Variants in NPAS2 observed in about 807,000 individuals in gnomAD.
NPAS2 encodes neuronal PAS domain protein 2, also known as neuronal PAS domain-containing protein 2.
Under a neutral mutation model 107.5 loss-of-function variants are expected in NPAS2, and 23 were observed. The ratio of observed to expected loss-of-function variants is 0.21; its 90% CI spans 0.15 to 0.30. The LOEUF (loss-of-function observed/expected upper bound fraction) is 0.30. NPAS2 is among the 10% of genes least tolerant of loss of function. The pLI, the probability that NPAS2 is intolerant of heterozygous loss-of-function variation, is 1.00. For synonymous variants in NPAS2, 403 were observed against 417.5 expected (o/e 0.97, Z 0.42); for missense variants, 756 against 1,043.3 (o/e 0.72, Z 3.79).
intron 18 of NPAS2, 80 bp downstream of exon 18, chr2:100,990,526 C>G: frequency 6.9e-7 from 1 of 1,451,346 alleles, no homozygotes; most frequent in African/African-American, 1.4e-5. Flanking sequence ...CTGCTTTAGA[C>G]GGAGGCAGAG....
At chr2:100,858,057 G>C (rs1050865669) in intron 1 of NPAS2, among the ~76,000 whole-genome samples, 1 of 152,228 alleles carries the variant, frequency 6.6e-6, no homozygotes, top group African/African-American at 2.4e-5. Context: ...ACATGATTCA[G>C]TGTTAACCAG....
At chr2:100,944,740 C>T (rs559476657) in intron 5 of NPAS2, among the ~76,000 whole-genome samples, 1 of 152,288 alleles carries the variant, frequency 6.6e-6, no homozygotes, top group East Asian at 1.9e-4. Context: ...GTTAATTCAC[C>T]ATCCTCGCAA....
chr2:100,971,078 C>T lies in NPAS2; in HGVS notation c.1140+4C>T, dbSNP rs759770858. ...CCTCCACTCCTCAGCACTAAAGGTA[C>T]GCCCATCCCTGCCAGATGGATACGG... On this transcript the variant is annotated splice_donor_region_variant and intron_variant, in intron 12 of 20. Transcript: ENST00000335681. 1.9e-5 allele frequency: 31 copies of T among 1,613,482 alleles called. 1 individual carries two copies. The Middle Eastern group carries it at 6.6e-4, about 34-fold the overall frequency.
At chr2:100,995,323 C>T in intron 20 of NPAS2, 77 bp from the exon 21 acceptor site, 4 of 1,332,256 alleles carry the variant, frequency 3.0e-6, no homozygotes, top group South Asian at 2.8e-5. Flanking sequence ...CTGCAGCATG[C>T]CCCGCACTGC....
intron 1 of NPAS2, among the ~76,000 whole-genome samples, chr2:100,868,830 C>G (rs1337952400): frequency 6.6e-6 from 1 of 152,166 alleles, no homozygotes; most frequent in African/African-American, 2.4e-5. Flanking sequence ...CTTCTTTTCT[C>G]AAATTTCAAA....
At chr2:100,855,944 G>A (rs982242478) in intron 1 of NPAS2, among the ~76,000 whole-genome samples, 5 of 152,164 alleles carry the variant, frequency 3.3e-5, no homozygotes, top group African/African-American at 4.8e-5. Flanking sequence ...GTTGGAGTCC[G>A]TACTGCCTTC....
chr2:100,820,970 C>T lies in NPAS2; in HGVS notation c.-23+556C>T. On this transcript the variant is annotated intron_variant, in intron 1 of 20. Transcript: ENST00000335681. This position sits in a 1 kb window ranked among gnomAD's most constrained non-coding sequence, Gnocchi z 5.6. ...CCCGTGTGCGCAGACAGCGTGCAGC[C>T]TGGCTCCTCACGTCGCTGCCGCCCC... 8.4e-7 allele frequency: 1 copy of T among 1,185,046 alleles called. No individual in the cohort carries two copies. Among genetic ancestry groups the T allele is most frequent in the Non-Finnish European group, 1.1e-6 (1 of 895,846 alleles). 73.4% of individuals were successfully genotyped at this position (1,185,046 alleles called of 1,614,324 possible). A position where few individuals can be genotyped will look rare whatever the true frequency, so the allele number is the denominator to read the frequency against.
chr2:100,850,359 T>A (rs1678088102), intron 1 of NPAS2, among the ~76,000 whole-genome samples: 1 of 152,206 alleles, frequency 6.6e-6, no homozygotes, highest in Non-Finnish European at 1.5e-5. Flanking sequence ...GTCTTCAGCC[T>A]CCAAAGGTTG....
intron 1 of NPAS2, among the ~76,000 whole-genome samples, chr2:100,845,539 T>C (rs1262610854): frequency 6.6e-6 from 1 of 152,214 alleles, no homozygotes. Flanking sequence ...GGCAGCTGAC[T>C]ACATGCACTC....
At chr2:100,903,247 G>C (rs1174974319) in intron 1 of NPAS2, among the ~76,000 whole-genome samples, 3 of 152,084 alleles carry the variant, frequency 2.0e-5, no homozygotes, top group Non-Finnish European at 4.4e-5. Context: ...CTTGGGGTAG[G>C]GCATCATTCA....
In NPAS2 at chr2:100,885,956, C is replaced by T. The variant is rs1054534545; in HGVS notation, c.-22-18777C>T. On this transcript the variant is annotated intron_variant, in intron 1 of 20. Coordinates refer to ENST00000335681, the MANE Select transcript of NPAS2 (RefSeq NM_002518.4). Reference sequence around the variant, plus strand: ...GATTACAGGCATGAGCCACCGAACCCGGCTAGCCAATTTATTTTAACAGCA... The same window carrying T: ...GATTACAGGCATGAGCCACCGAACCTGGCTAGCCAATTTATTTTAACAGCA... Among the ~76,000 whole-genome samples the T allele has an allele frequency of 2.6e-5, 4 of 152,216 alleles. No individual in the cohort carries two copies. The South Asian group carries it at 6.2e-4, about 24-fold the overall frequency.
Position 100,965,081 on chromosome 2 carries a change from C to T in NPAS2, c.800+138C>T, listed in dbSNP as rs1676136563. 1 of 574,606 alleles carries T rather than the reference C, an allele frequency of 1.7e-6. No individual in the cohort carries two copies. Among genetic ancestry groups the T allele is most frequent in the Non-Finnish European group, 3.0e-6 (1 of 338,890 alleles). 35.6% of individuals were successfully genotyped at this position (574,606 alleles called of 1,614,324 possible). ...TCTCTGGCACTAGGAAAAGTCGTCC[C>T]TGCCAAGGGTGGGTGGTTTCCCTCC... is the stretch of plus-strand genomic sequence containing the variant. On this transcript the variant is annotated intron_variant, in intron 9 of 20. Transcript: ENST00000335681. The surrounding 1 kb of genome is among the most constrained non-coding windows in gnomAD (Gnocchi z 4.3).
intron 1 of NPAS2, among the ~76,000 whole-genome samples, chr2:100,896,736 TG>T (rs1159174848): frequency 6.6e-5 from 10 of 152,146 alleles, no homozygotes; most frequent in African/African-American, 2.2e-4. Flanking sequence ...ACCACGATCA[TG>T]GGGAGGTTTG....
rs1336027998 is a variant in NPAS2, at chr2:100,948,324, G to A, written c.453G>A (p.Val151=). 6.2e-7 allele frequency: 1 copy of A among 1,611,940 alleles called. No individual in the cohort carries two copies. The highest frequency in any genetic ancestry group is 2.2e-5 in the East Asian group (1 of 44,818). ...AAATCCTTTCTTCCCATATGCTTGT[G>A]ACGGATTCCCCCTCCCCAGAATACT... ...VYKILSSHML[V]TDSPSPEYLK... The change falls in exon 6 of 21, where the codon GTG becomes GTA. Residue 151 remains valine, a synonymous_variant. Coordinates refer to ENST00000335681, the MANE Select transcript of NPAS2 (RefSeq NM_002518.4).
intron 2 of NPAS2, among the ~76,000 whole-genome samples, chr2:100,921,395 G>T: frequency 6.6e-6 from 1 of 152,210 alleles, no homozygotes; most frequent in Non-Finnish European, 1.5e-5. Flanking sequence ...TATTCCTTGT[G>T]TAACCAGACC....
At chr2:100,992,742 T>C (rs978795636) in intron 19 of NPAS2, among the ~76,000 whole-genome samples, 14 of 152,220 alleles carry the variant, frequency 9.2e-5, no homozygotes, top group African/African-American at 3.1e-4. Context: ...TGGAGAAATG[T>C]CAGCCCCAAT....
intron 1 of NPAS2, among the ~76,000 whole-genome samples, chr2:100,851,008 C>T (rs1678142064): frequency 7.2e-6 from 1 of 138,794 alleles, no homozygotes; most frequent in Non-Finnish European, 1.5e-5. Context: ...CATGCTACCA[C>T]ATGGATGAAT....
intron 1 of NPAS2, among the ~76,000 whole-genome samples, chr2:100,824,429 T>C (rs1426097006): frequency 6.6e-6 from 1 of 152,216 alleles, no homozygotes; most frequent in East Asian, 1.9e-4. Context: ...TCAAGACTGC[T>C]AGTGGCAATC....
At chr2:100,905,657 C>T (rs947678412) in intron 2 of NPAS2, among the ~76,000 whole-genome samples, 4 of 152,282 alleles carry the variant, frequency 2.6e-5, no homozygotes, top group Non-Finnish European at 5.9e-5. Flanking sequence ...CCCACTGGAC[C>T]AGCCTCCTTG....
Sources: allele counts gnomAD v4.1 joint callset (sites outside exome capture counted in the v4.1 genomes callset), GRCh38; gene constraint gnomAD v4.1.1; non-coding constraint Gnocchi (gnomAD v3.1); transcripts MANE v1.5; gene names NCBI Gene and HGNC (gene_info 2026-07-23, HGNC 2026-07-21).